Variants in XRN1 observed in about 807,000 individuals in gnomAD.
The protein encoded by XRN1 is 5'-3' exoribonuclease 1, also known as strand-exchange protein 1 homolog.
In XRN1, 67 loss-of-function variants were observed where a neutral mutation model predicts 222.3. The ratio of observed to expected loss-of-function variants is 0.30; its 90% CI spans 0.25 to 0.37. XRN1 has a LOEUF of 0.37. Among genes scored for constraint, XRN1 ranks in the 10% least tolerant of loss-of-function variants. XRN1 has a pLI of 1.00. For missense variants in XRN1, 1,707 were observed against 2,000.2 expected (o/e 0.85, Z 2.80); for synonymous variants, 643 against 652.4 (o/e 0.99, Z 0.22).
chr3:142,357,164 AATGT>A, intron 30 of XRN1, 45 bp from the exon 31 acceptor site: 4 of 1,533,978 alleles, frequency 2.6e-6, no homozygotes, highest in Non-Finnish European at 3.5e-6. Context: ...AACAATACTA[AATGT>A]GTTAGGGAGA....
chr3:142,337,602 A>G (rs923752011), intron 33 of XRN1, among the ~76,000 whole-genome samples: 12 of 152,206 alleles, frequency 7.9e-5, no homozygotes, highest in Admixed American at 2.0e-4. Context: ...CTCATTCCCA[A>G]CTGTGCCTGA....
intron 33 of XRN1, among the ~76,000 whole-genome samples, chr3:142,340,525 C>T (rs189762148): frequency 2.0e-5 from 3 of 151,726 alleles, no homozygotes; most frequent in East Asian, 1.9e-4. Context: ...TAATTTCACA[C>T]AACTTCTCAT....
intron 29 of XRN1, among the ~76,000 whole-genome samples, chr3:142,362,862 C>G (rs570978449): frequency 9.2e-5 from 14 of 151,586 alleles, no homozygotes; most frequent in Non-Finnish European, 1.9e-4. Context: ...CTCCGATCTC[C>G]TGGGCTCAAG....
rs1038299162 is a variant in XRN1, at chr3:142,417,287, G to A, written c.1347-58C>T. On this transcript the variant is annotated intron_variant, in intron 12 of 40. Coordinates refer to ENST00000392981, the MANE Select transcript of XRN1 (RefSeq NM_001282857.2). ...TTCTGAAGACAGGCCCGTGTCTTTA[G>A]AGCACGGTATCTGCTGATACAACAT... The A allele has an allele frequency of 2.7e-5, 39 of 1,433,194 alleles. No homozygotes were observed. In the Admixed American group the frequency reaches 6.5e-4, roughly 24 times the overall value. 88.8% of individuals were successfully genotyped at this position (1,433,194 alleles called of 1,614,324 possible).
chr3:142,423,222 T>G (rs1337211830), intron 6 of XRN1, among the ~76,000 whole-genome samples: 2 of 152,158 alleles, frequency 1.3e-5, no homozygotes, highest in African/African-American at 4.8e-5. Context: ...ATCTGGCCCA[T>G]TTAAGGCTGG....
intron 37 of XRN1, among the ~76,000 whole-genome samples, chr3:142,324,871 T>A (rs78598793): frequency 0.17 from 25,168 of 152,158 alleles, 2,364 homozygotes; most frequent in Admixed American, 0.22. Context: ...TTTTCATATG[T>A]CTGTTGGCTG....
intron 13 of XRN1, among the ~76,000 whole-genome samples, chr3:142,416,332 A>G (rs2068786113): frequency 6.6e-6 from 1 of 152,078 alleles, no homozygotes. Context: ...ACAGAGGCAC[A>G]CCACCATGCC....
Position 142,397,356 on chromosome 3 carries a change from G to A in XRN1, c.2312C>T (p.Ala771Val). ...HLGDKEQSNW[A>V]KEVQGISEHY... ...TTCTGAAATTCCTTGTACTTCTTTT[G>A]CCCAGTTAGATTGTTCTTTATCTCC... Residue 771 changes from alanine (A) to valine (V), a missense_variant, in exon 20 of 41, where the codon GCA (alanine) becomes GTA (valine). Ala to Val is a moderately conservative substitution (Grantham distance 64). Coordinates refer to ENST00000392981, the MANE Select transcript of XRN1 (RefSeq NM_001282857.2). The A allele has an allele frequency of 6.3e-7, 1 of 1,594,510 alleles. No individual in the cohort carries two copies. Among genetic ancestry groups the A allele is most frequent in the Non-Finnish European group, 8.5e-7 (1 of 1,169,994 alleles).
intron 39 of XRN1, among the ~76,000 whole-genome samples, chr3:142,316,757 G>A (rs1295994897): frequency 6.6e-6 from 1 of 152,108 alleles, no homozygotes; most frequent in Admixed American, 6.6e-5. Context: ...GTTGGAGCAT[G>A]TAATTCAGTA....
intron 29 of XRN1, among the ~76,000 whole-genome samples, chr3:142,363,182 T>C (rs1444367744): frequency 6.6e-6 from 1 of 152,180 alleles, no homozygotes; most frequent in Non-Finnish European, 1.5e-5. Context: ...CTTACATTTA[T>C]GTCTTCAATT....
chr3:142,328,127 A>G (rs1364059449), intron 37 of XRN1, among the ~76,000 whole-genome samples: 1 of 152,220 alleles, frequency 6.6e-6, no homozygotes, highest in Non-Finnish European at 1.5e-5. Context: ...GTGCTGCAAT[A>G]TACATACAAA....
intron 36 of XRN1, among the ~76,000 whole-genome samples, chr3:142,329,977 C>A (rs2065647439): frequency 6.6e-6 from 1 of 152,164 alleles, no homozygotes; most frequent in Non-Finnish European, 1.5e-5. Context: ...CTATTTAGTA[C>A]TTCCTAAAAT....
Position 142,403,746 on chromosome 3 carries a change from T to A in XRN1, c.2031A>T (p.Gln677His). Reference sequence around the variant, plus strand: ...CTCCACGACTGCTTTGCTGGAATACTTGAACACCACTTTTCTTCAAAAAAA... The same window carrying A: ...CTCCACGACTGCTTTGCTGGAATACATGAACACCACTTTTCTTCAAAAAAA... ...HKFFLKKSGV[Q>H]VFQQSSRGEN... Residue 677 changes from glutamine to histidine, a missense_variant, in exon 18 of 41, where the codon CAA becomes CAT. Physicochemically the swap from Gln to His is conservative, Grantham distance 24. Around this residue, in one of 2 missense-constraint regions of XRN1, gnomAD observed 1,234 missense variants for 1,518.2 expected, o/e 0.81. Transcript: ENST00000392981. The A allele has an allele frequency of 6.2e-7, 1 of 1,613,230 alleles. No individual in the cohort carries two copies. Among genetic ancestry groups the A allele is most frequent in the Non-Finnish European group, 8.5e-7 (1 of 1,179,562 alleles).
intron 10 of XRN1, chr3:142,420,273 A>C (rs75703424): frequency 6.6e-6 from 1 of 152,326 alleles, no homozygotes; most frequent in African/African-American, 2.4e-5. Context: ...CATTTGGCGA[A>C]ATCGCAGGGC....
intron 20 of XRN1, among the ~76,000 whole-genome samples, chr3:142,397,105 T>G (rs2067958220): frequency 6.6e-6 from 1 of 152,204 alleles, no homozygotes; most frequent in Non-Finnish European, 1.5e-5. Flanking sequence ...ATTTGTCATT[T>G]TTTTTCTATA....
In XRN1 at chr3:142,414,132, C is replaced by T. The variant is rs369739661; in HGVS notation, c.1593+3G>A. 4.4e-5 allele frequency: 71 copies of T among 1,608,278 alleles called. No individual in the cohort carries two copies. The highest frequency in any genetic ancestry group is 5.3e-5 in the Non-Finnish European group (62 of 1,177,450). On this transcript the variant is annotated splice_donor_region_variant and intron_variant, in intron 14 of 40. Coordinates refer to ENST00000392981, the MANE Select transcript of XRN1 (RefSeq NM_001282857.2). ...CATAAAAACATTCAATTCTAAGACCCACCTGGTAGCATGCAGGAAGTAAAT... is the reference window on the plus strand; with the variant it reads ...CATAAAAACATTCAATTCTAAGACCTACCTGGTAGCATGCAGGAAGTAAAT...
Position 142,417,245 on chromosome 3 carries a change from T to A in XRN1, c.1347-16A>T. ...CAGAAAGTCACTGAAAATAGAATAT[T>A]TTCATTATAACATATTTTCTGAAGA... On this transcript the variant is annotated splice_polypyrimidine_tract_variant and intron_variant, in intron 12 of 40. Transcript: ENST00000392981. 1 of 1,610,156 alleles carries A rather than the reference T, an allele frequency of 6.2e-7. No individual in the cohort carries two copies. Among genetic ancestry groups the A allele is most frequent in the Non-Finnish European group, 8.5e-7 (1 of 1,177,276 alleles).
Position 142,423,562 on chromosome 3 carries a change from T to C in XRN1, c.708A>G (p.Gln236=), listed in dbSNP as rs762462832. ...EEVRFGGKKT[Q]RVCAPEETTF... is the part of the protein sequence containing the mutation. ...AACATATATGCTATATAATTTACCG[T>C]TGTGTTTTTTTGCCACCAAATCGAA... Residue 236 remains glutamine, a splice_region_variant and synonymous_variant, in exon 6 of 41, where the codon CAA becomes CAG. Transcript: ENST00000392981. The C allele has an allele frequency of 1.1e-5, 17 of 1,599,874 alleles. No individual in the cohort carries two copies. The South Asian group carries it at 1.5e-4, about 14-fold the overall frequency.
At chr3:142,425,090 T>C in intron 5 of XRN1, 132 bp downstream of exon 5, 1 of 592,234 alleles carries the variant, frequency 1.7e-6, no homozygotes, top group Non-Finnish European at 2.7e-6. Context: ...AATTTGGTAA[T>C]GATAGAAGTA....
Sources: gnomAD v4.1 joint callset for allele counts (sites outside exome capture counted in the v4.1 genomes callset) on GRCh38, gnomAD v4.1.1 for gene constraint, gnomAD v4.1.1 regional missense constraint, MANE v1.5 for transcripts, NCBI Gene and HGNC (gene_info 2026-07-23, HGNC 2026-07-21) for gene names.